PRKAR2A: variants seen among roughly 807,000 people sequenced by gnomAD.
PRKAR2A encodes protein kinase cAMP-dependent type II regulatory subunit alpha, also known as cAMP-dependent protein kinase type II-alpha regulatory subunit.
Under a neutral mutation model 51.9 loss-of-function variants are expected in PRKAR2A, and 29 were observed. That is an observed-to-expected ratio of 0.56 (90% CI 0.42 to 0.76). The LOEUF (loss-of-function observed/expected upper bound fraction) is 0.76. Among genes scored for constraint, PRKAR2A ranks in the 30% least tolerant of loss-of-function variants. PRKAR2A has a pLI of 0.00. For synonymous variants in PRKAR2A, 178 were observed against 186.2 expected, an observed-to-expected ratio of 0.96 and a Z score of 0.36; for missense variants, 445 against 512.1, an observed-to-expected ratio of 0.87 and a Z score of 1.26.
chr3:48,777,177 T>C (rs1159845933), intron 5 of PRKAR2A, among the ~76,000 whole-genome samples: 3 of 152,166 alleles, frequency 2.0e-5, no homozygotes, highest in Non-Finnish European at 4.4e-5. Flanking sequence ...GCCTGCTATC[T>C]GAAGTCATTT....
intron 6 of PRKAR2A, among the ~76,000 whole-genome samples, chr3:48,766,960 A>G (rs2107236400): frequency 6.6e-6 from 1 of 152,298 alleles, no homozygotes; most frequent in Non-Finnish European, 1.5e-5. Context: ...CTACAGGTAC[A>G]CAACACTGTG....
At chr3:48,778,727 C>A (rs1482949594) in intron 5 of PRKAR2A, among the ~76,000 whole-genome samples, 1 of 151,618 alleles carries the variant, frequency 6.6e-6, no homozygotes, top group Non-Finnish European at 1.5e-5. Flanking sequence ...ACCATGTTAG[C>A]CAGGATGTTC....
chr3:48,833,341 A>G (rs2107445874), intron 1 of PRKAR2A, among the ~76,000 whole-genome samples: 1 of 152,246 alleles, frequency 6.6e-6, no homozygotes, highest in East Asian at 1.9e-4. Context: ...CACTCAGGCT[A>G]ATTTCTTAAA....
At chr3:48,755,609 C>CTT (rs545711673) in intron 9 of PRKAR2A, among the ~76,000 whole-genome samples, 7 of 139,068 alleles carry the variant, frequency 5.0e-5, no homozygotes, top group African/African-American at 1.1e-4. Flanking sequence ...ATTTTCTTTC[C>CTT]TTTTTTTTTT....
At chr3:48,799,962 C>A (rs2082559095) in intron 2 of PRKAR2A, among the ~76,000 whole-genome samples, 2 of 152,114 alleles carry the variant, frequency 1.3e-5, no homozygotes, top group South Asian at 4.2e-4. Context: ...CAGGTTCAAG[C>A]AATTCTCCTG....
downstream of PRKAR2A, among the ~76,000 whole-genome samples, chr3:48,745,473 G>C (rs2081553560): frequency 6.7e-6 from 1 of 148,796 alleles, no homozygotes; most frequent in African/African-American, 2.5e-5. Flanking sequence ...AGTGTGCCCA[G>C]ATATTTGATC....
chr3:48,783,092 C>G lies in PRKAR2A; in HGVS notation c.436G>C (p.Glu146Gln), dbSNP rs746831162. 6 of 1,605,920 alleles carry G rather than the reference C, an allele frequency of 3.7e-6. No individual in the cohort carries two copies. The highest frequency in any genetic ancestry group is 5.1e-6 in the Non-Finnish European group (6 of 1,173,738). Residue 146 changes from glutamate (E) to glutamine (Q), a missense_variant and splice_region_variant, in exon 5 of 11, where the codon GAA becomes CAA. Glu to Gln is a conservative substitution (Grantham distance 29). Transcript: ENST00000265563. ...DILLFKNLDQEQLSQVLDAMF... is the reference protein window; with the variant it reads ...DILLFKNLDQQQLSQVLDAMF... Reference sequence around the variant, plus strand: ...GCATCGAGAACTTGAGAAAGCTGTTCCTGCAGGGTATGCACAAGAAGAAAA... The same window carrying G: ...GCATCGAGAACTTGAGAAAGCTGTTGCTGCAGGGTATGCACAAGAAGAAAA...
chr3:48,814,966 C>T (rs913365884), intron 1 of PRKAR2A, among the ~76,000 whole-genome samples: 3 of 152,122 alleles, frequency 2.0e-5, no homozygotes, highest in Admixed American at 1.3e-4. Flanking sequence ...GGCTGGAATG[C>T]AATGGTGCAA....
At chr3:48,839,380 A>C (rs1215400223) in intron 1 of PRKAR2A, among the ~76,000 whole-genome samples, 1 of 151,270 alleles carries the variant, frequency 6.6e-6, no homozygotes, top group Admixed American at 6.6e-5. Flanking sequence ...TGTGAAGCAT[A>C]TCTCTATAAA....
At chr3:48,780,161 C>A (rs1388335540) in intron 5 of PRKAR2A, among the ~76,000 whole-genome samples, 10 of 149,198 alleles carry the variant, frequency 6.7e-5, no homozygotes, top group African/African-American at 2.2e-4. Flanking sequence ...CCGTACCCCC[C>A]CCAAAAAAAA....
chr3:48,824,937 T>G (rs2083035033), intron 1 of PRKAR2A, among the ~76,000 whole-genome samples: 1 of 151,226 alleles, frequency 6.6e-6, no homozygotes, highest in South Asian at 2.1e-4. Context: ...CAGAGTGAAA[T>G]TCCGTCTCAA....
intron 3 of PRKAR2A, 81 bp from the exon 4 acceptor site, chr3:48,790,708 C>A: frequency 1.1e-6 from 1 of 878,670 alleles, no homozygotes; most frequent in Non-Finnish European, 1.6e-6. Flanking sequence ...TTTGTTTCTC[C>A]AAAAAGTGGG....
At chr3:48,764,157 T>C (rs887123242) in intron 8 of PRKAR2A, among the ~76,000 whole-genome samples, 1 of 152,188 alleles carries the variant, frequency 6.6e-6, no homozygotes, top group African/African-American at 2.4e-5. Context: ...GCCAGAACCA[T>C]AGGCAGATAA....
chr3:48,829,871 A>ATATATATATAT (rs1297832658), intron 1 of PRKAR2A, among the ~76,000 whole-genome samples: 44 of 87,724 alleles, frequency 5.0e-4, no homozygotes, highest in South Asian at 1.5e-3. Flanking sequence ...ATATATATAT[A>ATATATATATAT]TTTTTTTTTT....
At chr3:48,810,661 TGTG>T (rs2082756018) in intron 1 of PRKAR2A, among the ~76,000 whole-genome samples, 2 of 152,178 alleles carry the variant, frequency 1.3e-5, no homozygotes, top group African/African-American at 4.8e-5. Flanking sequence ...AATCCACAGA[TGTG>T]GTACCCACGG....
intron 2 of PRKAR2A, among the ~76,000 whole-genome samples, chr3:48,797,909 C>T (rs1229154472): frequency 6.6e-6 from 1 of 152,108 alleles, no homozygotes; most frequent in Admixed American, 6.6e-5. Flanking sequence ...CAGTTCTTCC[C>T]TAATGATTAA....
intron 1 of PRKAR2A, among the ~76,000 whole-genome samples, chr3:48,837,581 C>A (rs760284227): frequency 3.9e-5 from 6 of 152,108 alleles, no homozygotes; most frequent in Admixed American, 6.6e-5. Context: ...TATGGCCCAG[C>A]AATTCTACTC....
intron 1 of PRKAR2A, among the ~76,000 whole-genome samples, chr3:48,846,220 T>C (rs77210147): frequency 3.4e-4 from 2 of 5,812 alleles, no homozygotes; most frequent in East Asian, 0.25. Context: ...TTCCTTTTTC[T>C]TTTTTTTTTT....
At chr3:48,778,410 C>G (rs1320263270) in intron 5 of PRKAR2A, among the ~76,000 whole-genome samples, 1 of 152,168 alleles carries the variant, frequency 6.6e-6, no homozygotes, top group Non-Finnish European at 1.5e-5. Flanking sequence ...TAGACTCAAC[C>G]TCTTGGGCTC....
Sources: allele counts gnomAD v4.1 joint callset (sites outside exome capture counted in the v4.1 genomes callset), GRCh38; gene constraint gnomAD v4.1.1; transcripts MANE v1.5; gene names NCBI Gene and HGNC (gene_info 2026-07-23, HGNC 2026-07-21).